SYT9: variants seen among roughly 807,000 people sequenced by gnomAD.
The protein encoded by SYT9 is synaptotagmin-9.
A neutral mutation model predicts 48.4 loss-of-function variants in SYT9; 22 were observed. The ratio of observed to expected loss-of-function variants is 0.45; its 90% confidence interval spans 0.32 to 0.65. The LOEUF is 0.65. SYT9 is among the 30% of genes least tolerant of loss of function. SYT9 has a pLI of 0.03. For synonymous variants in SYT9, 265 were observed against 245.0 expected, an observed-to-expected ratio of 1.08 and a Z score of -0.76; for missense variants, 577 against 622.0, an observed-to-expected ratio of 0.93 and a Z score of 0.77.
upstream of SYT9, among the ~76,000 whole-genome samples, chr11:7,249,778 C>G (rs78821326): frequency 4.2e-3 from 637 of 152,242 alleles, 7 homozygotes; most frequent in African/African-American, 0.014. Context: ...ACCCTAGGCA[C>G]AAAAATGTTA....
chr11:7,448,991 C>G (rs1272507299), intron 6 of SYT9, among the ~76,000 whole-genome samples: 4 of 151,994 alleles, frequency 2.6e-5, no homozygotes, highest in East Asian at 1.9e-4. Context: ...GCTGATGGAA[C>G]CAGGGAGGAG....
chr11:7,342,218 TCCCCAAAGTC>T (rs1415384267), intron 3 of SYT9, among the ~76,000 whole-genome samples: 2 of 152,132 alleles, frequency 1.3e-5, no homozygotes, highest in African/African-American at 4.8e-5. Context: ...AATCATGCCT[TCCCCAAAGTC>T]CCCCAAAGTC....
chr11:7,446,096 C>T (rs919825349), intron 6 of SYT9, among the ~76,000 whole-genome samples: 1 of 152,238 alleles, frequency 6.6e-6, no homozygotes, highest in Admixed American at 6.5e-5. Context: ...ATCAAGTCCA[C>T]GTGGCAGACT....
intron 1 of SYT9, among the ~76,000 whole-genome samples, chr11:7,269,442 A>T (rs1848255488): frequency 6.6e-6 from 1 of 152,144 alleles, no homozygotes; most frequent in Non-Finnish European, 1.5e-5. Context: ...GTAAATTTTT[A>T]AAATTCTTTC....
chr11:7,284,244 A>G (rs556420565), intron 1 of SYT9, among the ~76,000 whole-genome samples: 191 of 152,274 alleles, frequency 1.3e-3, no homozygotes, highest in Middle Eastern at 3.4e-3. Context: ...CTTATTTTTG[A>G]CAGTATTCTT....
chr11:7,302,670 A>T (rs1443198721), intron 1 of SYT9, among the ~76,000 whole-genome samples: 4 of 152,234 alleles, frequency 2.6e-5, no homozygotes, highest in Admixed American at 2.6e-4. Context: ...GACATTTGAA[A>T]CTGCCCTGCT....
At chr11:7,460,356 A>T (rs907089915) in intron 6 of SYT9, among the ~76,000 whole-genome samples, 3 of 152,328 alleles carry the variant, frequency 2.0e-5, no homozygotes, top group Admixed American at 2.0e-4. Flanking sequence ...AAAAAGATAT[A>T]AATCTAGTGA....
At chr11:7,445,863 C>G (rs186564634) in intron 6 of SYT9, among the ~76,000 whole-genome samples, 6 of 152,358 alleles carry the variant, frequency 3.9e-5, no homozygotes, top group South Asian at 2.1e-4. Context: ...GAAGTCTCCT[C>G]TTTGTGAGCT....
intron 1 of SYT9, among the ~76,000 whole-genome samples, chr11:7,297,080 G>A (rs1046716445): frequency 6.7e-6 from 1 of 148,792 alleles, no homozygotes; most frequent in Non-Finnish European, 1.5e-5. Context: ...GTGTGTGTGT[G>A]TGTGTGAGAG....
At chr11:7,466,388 C>T (rs1220616841) in intron 6 of SYT9, among the ~76,000 whole-genome samples, 2 of 152,120 alleles carry the variant, frequency 1.3e-5, no homozygotes, top group African/African-American at 2.4e-5. Context: ...GTATCCCCAG[C>T]ATCTATTACC....
intron 6 of SYT9, among the ~76,000 whole-genome samples, chr11:7,426,154 C>A (rs981107504): frequency 3.3e-5 from 5 of 152,082 alleles, no homozygotes; most frequent in Non-Finnish European, 5.9e-5. Flanking sequence ...TCCTTCCTCC[C>A]TCCCAGCTAG....
At chr11:7,454,793 G>T (rs964025763) in intron 6 of SYT9, among the ~76,000 whole-genome samples, 2 of 152,166 alleles carry the variant, frequency 1.3e-5, no homozygotes, top group Non-Finnish European at 2.9e-5. Context: ...TCACTAGGGT[G>T]CCAGGATGAG....
upstream of SYT9, among the ~76,000 whole-genome samples, chr11:7,251,005 T>C (rs1481300887): frequency 6.6e-6 from 1 of 152,122 alleles, no homozygotes; most frequent in African/African-American, 2.4e-5. Context: ...CCCCAGTTTC[T>C]CATTGGTAAA....
At chr11:7,452,017 A>C (rs907944545) in intron 6 of SYT9, among the ~76,000 whole-genome samples, 6 of 152,110 alleles carry the variant, frequency 3.9e-5, no homozygotes, top group Non-Finnish European at 8.8e-5. Context: ...GCAGAGAAAA[A>C]ATACACAAAA....
rs1422241979 is a variant in SYT9 at position 7,417,971 on chromosome 11, G to C, written c.1180G>C (p.Val394Leu). The part of the protein sequence containing the change: ...ITGASDPYVK[V>L]SLMCDGRRLK... ...GGTCTGTCCAGATCCCTATGTGAAA[G>C]TCTCGCTGATGTGTGATGGCAGACG... is the stretch of plus-strand genomic sequence containing the variant. Residue 394 changes from valine to leucine, a missense_variant, in exon 5 of 7, where the codon GTC (valine) becomes CTC (leucine). Val to Leu is a conservative substitution (Grantham distance 32, BLOSUM62 1). Transcript: ENST00000318881. 2.5e-6 allele frequency: 4 copies of C among 1,613,846 alleles called. No homozygotes were observed. The highest frequency in any genetic ancestry group is 3.4e-6 in the Non-Finnish European group (4 of 1,179,850).
At chr11:7,440,893 C>T (rs1358678489) in intron 6 of SYT9, 1 of 152,082 alleles carries the variant, frequency 6.6e-6, no homozygotes, top group Admixed American at 6.6e-5. Context: ...AAGAGTAAGA[C>T]AACACAATAA....
At chr11:7,390,211 A>C (rs1298682382) in intron 3 of SYT9, among the ~76,000 whole-genome samples, 1 of 151,952 alleles carries the variant, frequency 6.6e-6, no homozygotes, top group Non-Finnish European at 1.5e-5. Flanking sequence ...TTCAACTCCC[A>C]CTTATGAGTG....
chr11:7,396,759 C>G (rs1266934259), intron 3 of SYT9, among the ~76,000 whole-genome samples: 2 of 152,106 alleles, frequency 1.3e-5, no homozygotes, highest in Non-Finnish European at 2.9e-5. Flanking sequence ...TTTAGTTAGA[C>G]TAAATAATTA....
At chr11:7,399,970 G>T (rs1034910983) in intron 3 of SYT9, among the ~76,000 whole-genome samples, 6 of 152,146 alleles carry the variant, frequency 3.9e-5, no homozygotes. Context: ...GCAAGATTTT[G>T]TTATTTCTTG....
Sources: allele counts gnomAD v4.1 joint callset (sites outside exome capture counted in the v4.1 genomes callset), GRCh38; gene constraint gnomAD v4.1.1; transcripts MANE v1.5; gene names NCBI Gene and HGNC (gene_info 2026-07-23, HGNC 2026-07-21).